Variants in SHISA9 observed in about 807,000 individuals in gnomAD.
The protein encoded by SHISA9 is shisa family member 9.
A neutral mutation model predicts 38.0 loss-of-function variants in SHISA9; 13 were observed. The observed-to-expected ratio is 0.34, with a 90% confidence interval of 0.22 to 0.54. The LOEUF (loss-of-function observed/expected upper bound fraction) is 0.54, where lower values mean the gene tolerates loss of function less well. Among genes scored for constraint, SHISA9 ranks in the 20% least tolerant of loss-of-function variants. The pLI is 0.91. For synonymous variants in SHISA9, 275 were observed against 242.0 expected (o/e 1.14, Z -1.27); for missense variants, 538 against 575.8 (o/e 0.93, Z 0.67).
chr16:13,268,925 C>T, the SHISA9 span, among the ~76,000 whole-genome samples: 1 of 152,140 alleles, frequency 6.6e-6, no homozygotes, highest in Non-Finnish European at 1.5e-5. Flanking sequence ...ACAGCTTTAT[C>T]ATGTGTGGCA....
intron 2 of SHISA9, among the ~76,000 whole-genome samples, chr16:12,923,583 T>C (rs559390623): frequency 2.9e-4 from 44 of 152,114 alleles, no homozygotes; most frequent in East Asian, 7.7e-4. Flanking sequence ...GGAAAAATAT[T>C]GAGATTTATT....
At chr16:13,110,288 C>A (rs139995411) in intron 2 of SHISA9, among the ~76,000 whole-genome samples, 1 of 152,328 alleles carries the variant, frequency 6.6e-6, no homozygotes, top group East Asian at 1.9e-4. Flanking sequence ...CACAGCCAAC[C>A]CCAAGGAAGG....
At chr16:13,485,595 A>C in the SHISA9 span, among the ~76,000 whole-genome samples, 1 of 152,180 alleles carries the variant, frequency 6.6e-6, no homozygotes, top group Admixed American at 6.5e-5. Flanking sequence ...TTATCAAATG[A>C]GGGTAAATAG....
chr16:13,269,168 G>A, the SHISA9 span, among the ~76,000 whole-genome samples: 2 of 152,182 alleles, frequency 1.3e-5, no homozygotes, highest in Non-Finnish European at 2.9e-5. Context: ...GAATAAGCTT[G>A]TCAATGTTTG....
At chr16:13,252,266 C>T in the SHISA9 span, among the ~76,000 whole-genome samples, 62 of 152,310 alleles carry the variant, frequency 4.1e-4, no homozygotes, top group African/African-American at 1.3e-3. Context: ...TCACCTTGAG[C>T]GCTTTGTCCA....
the SHISA9 span, among the ~76,000 whole-genome samples, chr16:13,315,376 A>T: frequency 1.3e-5 from 2 of 152,232 alleles, no homozygotes; most frequent in South Asian, 4.1e-4. Flanking sequence ...GGGTCTTAGT[A>T]AGAGGAAGCT....
chr16:13,036,441 G>C (rs2073064580), intron 2 of SHISA9, among the ~76,000 whole-genome samples: 1 of 152,116 alleles, frequency 6.6e-6, no homozygotes, highest in Non-Finnish European at 1.5e-5. Context: ...AGTGTCCGAA[G>C]GCTAAATAGT....
chr16:13,553,682 GAAAA>G, the SHISA9 span, among the ~76,000 whole-genome samples: 1 of 150,220 alleles, frequency 6.7e-6, no homozygotes, highest in East Asian at 1.9e-4. Flanking sequence ...TAAAAAAAAA[GAAAA>G]AAAAAATCGT....
the SHISA9 span, among the ~76,000 whole-genome samples, chr16:13,319,228 C>T: frequency 1.3e-5 from 2 of 152,132 alleles, no homozygotes; most frequent in African/African-American, 2.4e-5. Context: ...AGGCTGGTCT[C>T]GAACTCCTGA....
chr16:13,040,877 C>G (rs1406783074), intron 2 of SHISA9, among the ~76,000 whole-genome samples: 1 of 152,174 alleles, frequency 6.6e-6, no homozygotes, highest in Non-Finnish European at 1.5e-5. Context: ...GCTTTGCAAG[C>G]CTTTTTCTAG....
At chr16:13,486,481 A>G in the SHISA9 span, among the ~76,000 whole-genome samples, 5 of 152,350 alleles carry the variant, frequency 3.3e-5, no homozygotes, top group East Asian at 9.6e-4. Flanking sequence ...ACTGACATCT[A>G]TCAACTTGGT....
At chr16:13,186,050 G>C (rs1277261395) in intron 2 of SHISA9, among the ~76,000 whole-genome samples, 2 of 152,156 alleles carry the variant, frequency 1.3e-5, no homozygotes, top group African/African-American at 4.8e-5. Context: ...CTGGGACAGA[G>C]AGAACATTTG....
the SHISA9 span, among the ~76,000 whole-genome samples, chr16:13,460,272 C>T: frequency 6.6e-6 from 1 of 151,968 alleles, no homozygotes; most frequent in Admixed American, 6.6e-5. Flanking sequence ...TGAGGCTGCT[C>T]CATGAACACC....
At chr16:13,499,900 G>A in the SHISA9 span, among the ~76,000 whole-genome samples, 4 of 152,172 alleles carry the variant, frequency 2.6e-5, no homozygotes, top group African/African-American at 9.7e-5. Context: ...GAGCAGGAAC[G>A]ATGTGCCTGG....
the SHISA9 span, among the ~76,000 whole-genome samples, chr16:13,306,595 G>A: frequency 1.3e-5 from 2 of 152,296 alleles, no homozygotes; most frequent in South Asian, 2.1e-4. Context: ...TCAGCTAAAG[G>A]CTTGACTGGG....
downstream of SHISA9, among the ~76,000 whole-genome samples, chr16:13,243,249 AAAAAG>A (rs1177266968): frequency 6.7e-6 from 1 of 150,054 alleles, no homozygotes; most frequent in Non-Finnish European, 1.5e-5. Flanking sequence ...TCAAAAAAAA[AAAAAG>A]AAAGAAAGTT....
At chr16:13,203,853 A>G (rs531635255) in intron 3 of SHISA9, among the ~76,000 whole-genome samples, 2 of 152,014 alleles carry the variant, frequency 1.3e-5, no homozygotes, top group East Asian at 1.9e-4. Context: ...TGTATTATCT[A>G]TCTGTCTGTC....
At chr16:13,555,370 A>AG in the SHISA9 span, among the ~76,000 whole-genome samples, 3 of 152,192 alleles carry the variant, frequency 2.0e-5, no homozygotes, top group African/African-American at 7.2e-5. Context: ...AGATGGTATA[A>AG]CCTTCCTCAG....
the SHISA9 span, among the ~76,000 whole-genome samples, chr16:13,412,857 CT>C: frequency 6.6e-6 from 1 of 151,814 alleles, no homozygotes; most frequent in Non-Finnish European, 1.5e-5. Flanking sequence ...CCCTGTCCCC[CT>C]AACCAAAAAA....
Sources: gnomAD v4.1 joint callset for allele counts (sites outside exome capture counted in the v4.1 genomes callset) on GRCh38, gnomAD v4.1.1 for gene constraint, MANE v1.5 for transcripts, NCBI Gene and HGNC (gene_info 2026-07-23, HGNC 2026-07-21) for gene names.